OTUB1: variants seen among roughly 807,000 people sequenced by gnomAD.
OTUB1 encodes the protein OTU deubiquitinase, ubiquitin aldehyde binding 1, also known as ubiquitin thioesterase OTUB1.
OTUB1 carries 10 observed loss-of-function variants against 35.8 expected under a neutral mutation model. That is an observed-to-expected ratio of 0.28 (90% CI 0.17 to 0.47). The LOEUF (loss-of-function observed/expected upper bound fraction) is 0.47, where lower values mean the gene tolerates loss of function less well. Ranked by LOEUF, OTUB1 falls within the 20% of genes least tolerant of loss-of-function variation. OTUB1 has a pLI of 0.99. For synonymous variants in OTUB1, 158 were observed against 143.8 expected (o/e 1.10, Z -0.71); for missense variants, 264 against 351.6 (o/e 0.75, Z 1.99).
Position 63,986,449 on chromosome 11 carries a change from G to C in OTUB1, c.-8G>C, listed in dbSNP as rs776453851. On this transcript the variant is annotated 5_prime_UTR_variant, in exon 1 of 7. Coordinates refer to ENST00000538426, the MANE Select transcript of OTUB1 (RefSeq NM_017670.3). ...CGGAAGCGGTCGGTAGTGCGGCGCT[G>C]TTTAAAGATGGCGGCGGAGGAACCT... The C allele has an allele frequency of 7.1e-6, 11 of 1,553,796 alleles. No homozygotes were observed. The highest frequency in any genetic ancestry group is 1.4e-5 in the African/African-American group (1 of 73,134).
chr11:63,998,172 G>C lies in OTUB1; in HGVS notation c.*626G>C, dbSNP rs1020724963. On this transcript the variant is annotated 3_prime_UTR_variant, in exon 7 of 7. Coordinates refer to ENST00000538426, the MANE Select transcript of OTUB1 (RefSeq NM_017670.3). ...TGGTGGGGGAGGGCAGCCTTCAAAC[G>C]TGTGGGGTCTACAGTCCTCAGGTCT... 2 of 265,202 alleles carry C rather than the reference G, an allele frequency of 7.5e-6. No individual in the cohort carries two copies. Among genetic ancestry groups the C allele is most frequent in the Admixed American group, 5.1e-5 (1 of 19,736 alleles). 16.4% of individuals were successfully genotyped at this position (265,202 alleles called of 1,614,324 possible).
At chr11:63,992,898 C>T (rs939035641) in intron 3 of OTUB1, among the ~76,000 whole-genome samples, 9 of 152,052 alleles carry the variant, frequency 5.9e-5, no homozygotes, top group African/African-American at 2.2e-4. Flanking sequence ...ATTGGCTAGG[C>T]TGGTCTTGAA....
At chr11:63,986,807 C>T (rs11827620) in intron 1 of OTUB1, 5,687 of 393,778 alleles carry the variant, frequency 0.014, 198 homozygotes, top group African/African-American at 0.083. Context: ...CCCTCGGCTC[C>T]TGGCTCCAGG....
In OTUB1 at chr11:63,991,693, C is replaced by T. The variant is rs548739076; in HGVS notation, c.219+2941C>T. ...CTCACAATGGCCATGGTGGCTGCTA[C>T]AGTAGCAGTGGTGATTTGGGTTCTT... On this transcript the variant is annotated intron_variant, in intron 3 of 6. Coordinates refer to ENST00000538426, the MANE Select transcript of OTUB1 (RefSeq NM_017670.3). Among the ~76,000 whole-genome samples, 21 of 152,352 alleles carry T rather than the reference C, an allele frequency of 1.4e-4. No individual in the cohort carries two copies. The East Asian group carries it at 4.0e-3, about 29-fold the overall frequency.
intron 2 of OTUB1, 111 bp downstream of exon 2, chr11:63,988,509 C>T (rs1298632652): frequency 7.6e-7 from 1 of 1,314,668 alleles, no homozygotes; most frequent in East Asian, 2.3e-5. Context: ...CTCCCTCCTC[C>T]CTAGGCTATG....
At chr11:63,994,340 C>A (rs1416765909) in intron 3 of OTUB1, among the ~76,000 whole-genome samples, 4 of 152,162 alleles carry the variant, frequency 2.6e-5, no homozygotes, top group Non-Finnish European at 5.9e-5. Flanking sequence ...GCAATCTCCA[C>A]CTCCTGGGTT....
intron 3 of OTUB1, among the ~76,000 whole-genome samples, chr11:63,994,316 G>A (rs905363679): frequency 6.6e-6 from 1 of 152,008 alleles, no homozygotes; most frequent in African/African-American, 2.4e-5. Flanking sequence ...GCAGTGGAGC[G>A]ATCTCGGCTC....
Position 63,997,608 on chromosome 11 carries a change from A to AAAAACCTCTGTACAT in OTUB1, c.*62_*63insAAAACCTCTGTACAT. ...TCTGCCAGGCGCTAGACATGTACAG[A>AAAAACCTCTGTACAT]GGTTTTTCTGTGGTTGTAAATGGTC... On this transcript the variant is annotated 3_prime_UTR_variant, in exon 7 of 7. Coordinates refer to ENST00000538426, the MANE Select transcript of OTUB1 (RefSeq NM_017670.3). 6.9e-7 allele frequency: 1 copy of AAAAACCTCTGTACAT among 1,455,852 alleles called. No homozygotes were observed. The highest frequency in any genetic ancestry group is 9.6e-7 in the Non-Finnish European group (1 of 1,040,378). 90.2% of individuals were successfully genotyped at this position (1,455,852 alleles called of 1,614,324 possible). A position where few individuals can be genotyped will look rare whatever the true frequency, so the allele number is the denominator to read the frequency against.
rs751306502 is a variant in OTUB1 at position 63,986,505 on chromosome 11, G to A, written c.49G>A (p.Asp17Asn). The A allele has an allele frequency of 1.8e-5, 28 of 1,551,310 alleles. No homozygotes were observed. The South Asian group carries it at 3.0e-4, about 16-fold the overall frequency. ...GCAGAAGCAGGAGCCGCTGGGCAGC[G>A]ACTCCGAAGGTACAGATCCAAGGAG... ...QQQKQEPLGS[D>N]SEGVNCLAYD... Residue 17 changes from aspartate (D) to asparagine (N), a missense_variant, in exon 1 of 7, where the codon GAC (aspartate) becomes AAC (asparagine). Physicochemically the swap from Asp to Asn is conservative, Grantham distance 23 (BLOSUM62 1). This residue lies in a region of OTUB1 where 50 missense variants were observed against 34.5 expected (regional missense o/e 1.45). Coordinates refer to ENST00000538426, the MANE Select transcript of OTUB1 (RefSeq NM_017670.3).
At chr11:63,990,620 A>G (rs1942664863) in intron 3 of OTUB1, 2 of 151,746 alleles carry the variant, frequency 1.3e-5, no homozygotes, top group Admixed American at 1.3e-4. Context: ...AAATAAATAA[A>G]TAAATGTGAC....
intron 3 of OTUB1, among the ~76,000 whole-genome samples, chr11:63,994,177 G>A (rs947200743): frequency 3.7e-4 from 56 of 152,298 alleles, no homozygotes; most frequent in Admixed American, 2.6e-3. Flanking sequence ...TGAGCAGGGC[G>A]GGGTAGGCAC....
intron 1 of OTUB1, among the ~76,000 whole-genome samples, chr11:63,987,308 A>G (rs1169088132): frequency 1.3e-5 from 2 of 152,186 alleles, no homozygotes; most frequent in African/African-American, 4.8e-5. Flanking sequence ...CACGCACCTC[A>G]TTCTCACCGA....
At chr11:63,988,599 G>T (rs773051756) in intron 2 of OTUB1, 55 bp from the exon 3 acceptor site, 2 of 1,391,544 alleles carry the variant, frequency 1.4e-6, no homozygotes, top group Admixed American at 3.3e-5. Flanking sequence ...CTGTCTGTTA[G>T]GCATGGGTCA....
chr11:63,993,842 T>C (rs1357009239), intron 3 of OTUB1, among the ~76,000 whole-genome samples: 1 of 150,752 alleles, frequency 6.6e-6, no homozygotes, highest in Non-Finnish European at 1.5e-5. Flanking sequence ...GCCATGAGAG[T>C]GAGTGTAGTT....
chr11:63,992,586 G>T (rs1247588144), intron 3 of OTUB1, among the ~76,000 whole-genome samples: 1 of 152,082 alleles, frequency 6.6e-6, no homozygotes, highest in Non-Finnish European at 1.5e-5. Flanking sequence ...TGTCACCCAG[G>T]CTGGAGTGCA....
intron 3 of OTUB1, among the ~76,000 whole-genome samples, chr11:63,992,646 G>A (rs1159091168): frequency 6.6e-6 from 1 of 152,216 alleles, no homozygotes; most frequent in Non-Finnish European, 1.5e-5. Context: ...CACCTCCCGG[G>A]TTCAAGCAAT....
Position 63,986,496 on chromosome 11 carries a change from CT to C in OTUB1, c.41del (p.Leu14ArgfsTer132). ...ACCTCAGCAGCAGAAGCAGGAGCCG[CT>C]GGGCAGCGACTCCGAAGGTACAGAT... ...EEPQQQKQEP[L>X]GSDSEGVNCL... is the part of the protein sequence containing the mutation. On this transcript the variant is annotated frameshift_variant, in exon 1 of 7. Transcript: ENST00000538426. LOFTEE classifies it high-confidence loss of function. 6.4e-7 allele frequency: 1 copy of C among 1,552,834 alleles called. No homozygotes were observed. The highest frequency in any genetic ancestry group is 8.7e-7 in the Non-Finnish European group (1 of 1,148,564).
In OTUB1 at chr11:63,997,949, G is replaced by A; in HGVS notation, c.*403G>A. On this transcript the variant is annotated 3_prime_UTR_variant, in exon 7 of 7. Transcript: ENST00000538426. ...CCTTAGGGACTTGCCCAGGGTCCCA[G>A]GGCCACCCACACTTCATCTGCTCCC... 5.0e-6 allele frequency: 3 copies of A among 594,828 alleles called. No individual in the cohort carries two copies. The highest frequency in any genetic ancestry group is 3.0e-6 in the Non-Finnish European group (1 of 334,124). 36.8% of individuals were successfully genotyped at this position (594,828 alleles called of 1,614,324 possible). A position where few individuals can be genotyped will look rare whatever the true frequency, so the allele number is the denominator to read the frequency against.
intron 3 of OTUB1, among the ~76,000 whole-genome samples, chr11:63,995,798 AG>A (rs1195985856): frequency 6.6e-6 from 1 of 151,938 alleles, no homozygotes; most frequent in Admixed American, 6.6e-5. Context: ...GGTAGGAGCA[AG>A]ATGGGTAGGG....
Sources: gnomAD v4.1 joint callset for allele counts (sites outside exome capture counted in the v4.1 genomes callset) on GRCh38, gnomAD v4.1.1 for gene constraint, gnomAD v4.1.1 regional missense constraint, MANE v1.5 for transcripts, NCBI Gene and HGNC (gene_info 2026-07-23, HGNC 2026-07-21) for gene names.